Variants in PTF1A observed in about 807,000 individuals in gnomAD.
PTF1A encodes pancreas transcription factor 1 subunit alpha.
A neutral mutation model predicts 22.6 loss-of-function variants in PTF1A; 18 were observed. That is an observed-to-expected ratio of 0.80 (90% CI 0.55 to 1.18). The LOEUF (loss-of-function observed/expected upper bound fraction) is 1.18, where lower values mean the gene tolerates loss of function less well. PTF1A is among the 50% of genes most tolerant of loss of function. The pLI is 0.00. For missense variants in PTF1A, 477 were observed against 473.0 expected (o/e 1.01, Z -0.08); for synonymous variants, 259 against 227.9 (o/e 1.14, Z -1.23).
At position 23,193,076 on chromosome 10, in the gene PTF1A, C is replaced by T; in HGVS notation, c.546C>T (p.Ala182=). ...GGCGCATGCAGTCCATCAACGACGC[C>T]TTCGAGGGGCTGCGCTCGCACATCC... ...ERRRMQSIND[A]FEGLRSHIPT... Residue 182 remains alanine, a synonymous_variant, in exon 1 of 2, where the codon GCC becomes GCT. Transcript: ENST00000376504. 7.1e-7 allele frequency: 1 copy of T among 1,406,140 alleles called. No individual in the cohort carries two copies. Among genetic ancestry groups the T allele is most frequent in the Non-Finnish European group, 9.3e-7 (1 of 1,070,354 alleles). 87.1% of individuals were successfully genotyped at this position (1,406,140 alleles called of 1,614,324 possible).
rs1233177233 is a variant in PTF1A, at chr10:23,192,872, G to T, written c.342G>T (p.Ser114=). ...CGCCCCCAGGCGGCTTCCCCTACTC[G>T]CCCGGCTCGCCGCCCTCGTGCCTGG... ...TGAPPGGFPY[S]PGSPPSCLAY... is the part of the protein sequence containing the mutation. Residue 114 remains serine, a synonymous_variant, in exon 1 of 2, where the codon TCG becomes TCT. Coordinates refer to ENST00000376504, the MANE Select transcript of PTF1A (RefSeq NM_178161.3). The T allele has an allele frequency of 3.8e-5, 50 of 1,315,422 alleles. No individual in the cohort carries two copies. Among genetic ancestry groups the T allele is most frequent in the African/African-American group, 4.6e-5 (3 of 65,222 alleles). The allele number at this position is 1,315,422 out of a possible 1,614,324, so 81.5% of individuals were successfully genotyped here.
chr10:23,194,234 A>G lies in PTF1A; in HGVS notation c.*328A>G, dbSNP rs754238531. On this transcript the variant is annotated 3_prime_UTR_variant, in exon 2 of 2. Coordinates refer to ENST00000376504, the MANE Select transcript of PTF1A (RefSeq NM_178161.3). Reference sequence around the variant, plus strand: ...TTTCTAAGCGTTGTCAATAAATGCTATTTACACCTTTTCCTGAAGGTTTTT... The same window carrying G: ...TTTCTAAGCGTTGTCAATAAATGCTGTTTACACCTTTTCCTGAAGGTTTTT... The G allele has an allele frequency of 2.9e-5, 7 of 241,644 alleles. No individual in the cohort carries two copies. The highest frequency in any genetic ancestry group is 5.6e-5 in the Non-Finnish European group (7 of 125,196). The allele number at this position is 241,644 out of a possible 1,614,324, so 15.0% of individuals were successfully genotyped here.
chr10:23,192,588 T>G lies in PTF1A; in HGVS notation c.58T>G (p.Tyr20Asp). The change falls in exon 1 of 2, where the codon TAC becomes GAC. Residue 20 changes from tyrosine (Y) to aspartate (D), a missense_variant. Physicochemically the swap from Tyr to Asp is radical, Grantham distance 160. Transcript: ENST00000376504. ...GGGCCTAGACGCCTTTCCTTCTTCGTACTTCGACGAGGACGACTTCTTCAC... is the reference window on the plus strand; with the variant it reads ...GGGCCTAGACGCCTTTCCTTCTTCGGACTTCGACGAGGACGACTTCTTCAC... The part of the protein sequence containing the change: ...PGGLDAFPSS[Y>D]FDEDDFFTDQ... 1 of 1,603,268 alleles carries G rather than the reference T, an allele frequency of 6.2e-7. No homozygotes were observed. The highest frequency in any genetic ancestry group is 8.5e-7 in the Non-Finnish European group (1 of 1,175,020).
chr10:23,193,617 C>T (rs1371643670), intron 1 of PTF1A, 87 bp from the exon 2 acceptor site: 3 of 1,006,424 alleles, frequency 3.0e-6, no homozygotes, highest in South Asian at 2.5e-5. Context: ...CCGGAGAGCA[C>T]CCAGGAAAGG....
rs535090775 is a variant in PTF1A, at chr10:23,192,799, G to C, written c.269G>C (p.Gly90Ala). ...GCCCCGCCGTCCTCGGGGGGCCTCG[G>C]TGAGCCAGACGACGGCGGCGGCGGC... Reference protein sequence around the residue: ...ALAPPSSGGLGEPDDGGGGGY... With the variant: ...ALAPPSSGGLAEPDDGGGGGY... The change falls in exon 1 of 2, where the codon GGT becomes GCT. Residue 90 changes from glycine to alanine, a missense_variant. Physicochemically the swap from Gly to Ala is moderately conservative, Grantham distance 60. Coordinates refer to ENST00000376504, the MANE Select transcript of PTF1A (RefSeq NM_178161.3). The C allele has an allele frequency of 8.5e-4, 1,124 of 1,315,372 alleles. No individual in the cohort carries two copies. The African/African-American group carries it at 0.014, about 17-fold the overall frequency. The allele number at this position is 1,315,372 out of a possible 1,614,324, so 81.5% of individuals were successfully genotyped here.
At position 23,192,662 on chromosome 10, in the gene PTF1A, G is replaced by A. The variant is rs746806973; in HGVS notation, c.132G>A (p.Ala44=). Residue 44 remains alanine (A), a synonymous_variant, in exon 1 of 2, where the codon GCG becomes GCA. Coordinates refer to ENST00000376504, the MANE Select transcript of PTF1A (RefSeq NM_178161.3). ...TGGAGGACGGCGATGAGCTGCTGGC[G>A]GACGAGCAGGCCGAGGTGGAGTTCC... ...DPLEDGDELL[A]DEQAEVEFLS... 3 of 1,600,478 alleles carry A rather than the reference G, an allele frequency of 1.9e-6. No individual in the cohort carries two copies. The highest frequency in any genetic ancestry group is 8.5e-7 in the Non-Finnish European group (1 of 1,174,342).
At position 23,193,958 on chromosome 10, in the gene PTF1A, A is replaced by G. The variant is rs766424499; in HGVS notation, c.*52A>G. 2 of 1,333,284 alleles carry G rather than the reference A, an allele frequency of 1.5e-6. No homozygotes were observed. The highest frequency in any genetic ancestry group is 3.4e-5 in the Admixed American group (2 of 59,670). The allele number at this position is 1,333,284 out of a possible 1,614,324, so 82.6% of individuals were successfully genotyped here. On this transcript the variant is annotated 3_prime_UTR_variant, in exon 2 of 2. Coordinates refer to ENST00000376504, the MANE Select transcript of PTF1A (RefSeq NM_178161.3). ...GATTATGTCTCTGTGCATATTGTAC[A>G]TGTAAATATCTATAATGTAAATGTA...
chr10:23,193,410 C>T, intron 1 of PTF1A, 96 bp downstream of exon 1: 1 of 1,226,528 alleles, frequency 8.2e-7, no homozygotes, highest in Non-Finnish European at 1.1e-6. Context: ...GACAGTCGGA[C>T]CGACGGATTG....
Position 23,192,881 on chromosome 10 carries a change from G to A in PTF1A, c.351G>A (p.Ser117=). The part of the protein sequence containing the change: ...PPGGFPYSPG[S]PPSCLAYPCA... Reference sequence around the variant, plus strand: ...GCGGCTTCCCCTACTCGCCCGGCTCGCCGCCCTCGTGCCTGGCCTACCCGT... The same window carrying A: ...GCGGCTTCCCCTACTCGCCCGGCTCACCGCCCTCGTGCCTGGCCTACCCGT... The change falls in exon 1 of 2, where the codon TCG becomes TCA. Residue 117 remains serine, a synonymous_variant. Transcript: ENST00000376504. 7.6e-7 allele frequency: 1 copy of A among 1,312,468 alleles called. No individual in the cohort carries two copies. The highest frequency in any genetic ancestry group is 9.7e-7 in the Non-Finnish European group (1 of 1,027,986). The allele number at this position is 1,312,468 out of a possible 1,614,324, so 81.3% of individuals were successfully genotyped here. A position where few individuals can be genotyped will look rare whatever the true frequency, so the allele number is the denominator to read the frequency against.
In PTF1A at chr10:23,193,275, A is replaced by G; in HGVS notation, c.745A>G (p.Ser249Gly). Residue 249 changes from serine (S) to glycine (G), a missense_variant, in exon 1 of 2, where the codon AGC (serine) becomes GGC (glycine). Physicochemically the swap from Ser to Gly is moderately conservative, Grantham distance 56. Transcript: ENST00000376504. ...GCGCCTGGGCGGGGACAGCCCGGGC[A>G]GCCAGGCCCAGAAGGTCATCATCTG... ...GGRLGGDSPG[S>G]QAQKVIICHR... 2 of 1,248,012 alleles carry G rather than the reference A, an allele frequency of 1.6e-6. No individual in the cohort carries two copies. The highest frequency in any genetic ancestry group is 2.0e-6 in the Non-Finnish European group (2 of 1,004,462). 77.3% of individuals were successfully genotyped at this position (1,248,012 alleles called of 1,614,324 possible).
rs117678424 is a variant in PTF1A, at chr10:23,192,692, C to T, written c.162C>T (p.Ser54=). 2.9e-3 allele frequency: 4,607 copies of T among 1,588,030 alleles called. 118 individuals carry two copies. In the South Asian group the frequency reaches 0.033, roughly 11 times the overall value. Residue 54 remains serine, a synonymous_variant, in exon 1 of 2, where the codon AGC becomes AGT. Transcript: ENST00000376504. ...AGCAGGCCGAGGTGGAGTTCCTTAG[C>T]CACCAGCTCCACGAGTACTGCTACC... ...ADEQAEVEFL[S]HQLHEYCYRD...
Position 23,193,596 on chromosome 10 carries a change from T to G in PTF1A, c.785-108T>G, listed in dbSNP as rs373589459. On this transcript the variant is annotated intron_variant, in intron 1 of 1. Transcript: ENST00000376504. ...CTTGAAGTGTGGAGGAAGAGGGTGG[T>G]TCTAGTATAACCGGAGAGCACCCAG... The G allele has an allele frequency of 1.8e-5, 16 of 902,116 alleles. No homozygotes were observed. The African/African-American group carries it at 2.6e-4, about 15-fold the overall frequency. 55.9% of individuals were successfully genotyped at this position (902,116 alleles called of 1,614,324 possible).
Position 23,192,632 on chromosome 10 carries a change from C to T in PTF1A, c.102C>T (p.Asp34=), listed in dbSNP as rs199831799. ...DDFFTDQSSR[D]PLEDGDELLA... is the part of the protein sequence containing the mutation. ...TCTTCACCGACCAGTCTTCACGGGACCCCCTGGAGGACGGCGATGAGCTGC... is the reference window on the plus strand; with the variant it reads ...TCTTCACCGACCAGTCTTCACGGGATCCCCTGGAGGACGGCGATGAGCTGC... Residue 34 remains aspartate (D), a synonymous_variant, in exon 1 of 2, where the codon GAC becomes GAT. Transcript: ENST00000376504. 2.2e-4 allele frequency: 347 copies of T among 1,601,800 alleles called. No homozygotes were observed. The East Asian group carries it at 7.5e-3, about 34-fold the overall frequency.
In PTF1A at chr10:23,193,736, C is replaced by G. The variant is rs1424329864; in HGVS notation, c.817C>G (p.Leu273Val). Residue 273 changes from leucine to valine, a missense_variant, in exon 2 of 2, where the codon CTC becomes GTC. Coordinates refer to ENST00000376504, the MANE Select transcript of PTF1A (RefSeq NM_178161.3). ...CTCCCCCAGCGACCCTGATTATGGC[C>G]TCCCTCCCCTAGCAGGACACTCTCT... ...SPSPSDPDYGLPPLAGHSLSW... is the reference protein window; with the variant it reads ...SPSPSDPDYGVPPLAGHSLSW... The G allele has an allele frequency of 3.7e-6, 6 of 1,613,332 alleles. No homozygotes were observed. The highest frequency in any genetic ancestry group is 2.7e-5 in the African/African-American group (2 of 74,906).
In PTF1A at chr10:23,193,747, A is replaced by C. The variant is rs773773722; in HGVS notation, c.828A>C (p.Leu276=). ...PSDPDYGLPP[L]AGHSLSWTDE... ...ACCCTGATTATGGCCTCCCTCCCCT[A>C]GCAGGACACTCTCTCTCATGGACTG... The change falls in exon 2 of 2, where the codon CTA becomes CTC. Residue 276 remains leucine (L), a synonymous_variant. Transcript: ENST00000376504. 2.5e-6 allele frequency: 4 copies of C among 1,613,628 alleles called. No individual in the cohort carries two copies. The highest frequency in any genetic ancestry group is 1.7e-4 in the Middle Eastern group (1 of 6,060).
chr10:23,193,462 C>G, intron 1 of PTF1A, 148 bp downstream of exon 1: 4 of 709,790 alleles, frequency 5.6e-6, no homozygotes, highest in Non-Finnish European at 8.6e-6. Flanking sequence ...TCGCGTTTCT[C>G]GTTTTTTTTT....
At position 23,193,141 on chromosome 10, in the gene PTF1A, C is replaced by T; in HGVS notation, c.611C>T (p.Thr204Met). Residue 204 changes from threonine (T) to methionine (M), a missense_variant, in exon 1 of 2, where the codon ACG becomes ATG. By Grantham distance (81) the Thr-to-Met change is moderately conservative (BLOSUM62 -1). Coordinates refer to ENST00000376504, the MANE Select transcript of PTF1A (RefSeq NM_178161.3). ...GAGAAGCGCCTCTCCAAGGTGGACA[C>T]GCTGCGCCTGGCCATCGGCTACATC... The part of the protein sequence containing the change: ...PYEKRLSKVD[T>M]LRLAIGYINF... The T allele has an allele frequency of 7.0e-7, 1 of 1,435,358 alleles. No individual in the cohort carries two copies. Among genetic ancestry groups the T allele is most frequent in the Admixed American group, 2.2e-5 (1 of 44,712 alleles). 88.9% of individuals were successfully genotyped at this position (1,435,358 alleles called of 1,614,324 possible). A position where few individuals can be genotyped will look rare whatever the true frequency, so the allele number is the denominator to read the frequency against.
At chr10:23,193,464 T>TTG in intron 1 of PTF1A, 150 bp downstream of exon 1, 1 of 166,130 alleles carries the variant, frequency 6.0e-6, no homozygotes, top group Non-Finnish European at 8.4e-6. Context: ...GCGTTTCTCG[T>TTG]TTTTTTTTTT....
At position 23,193,094 on chromosome 10, in the gene PTF1A, G is replaced by T; in HGVS notation, c.564G>T (p.Ser188=). 1 of 1,424,500 alleles carries T rather than the reference G, an allele frequency of 7.0e-7. No homozygotes were observed. Among genetic ancestry groups the T allele is most frequent in the South Asian group, 1.3e-5 (1 of 75,362 alleles). The allele number at this position is 1,424,500 out of a possible 1,614,324, so 88.2% of individuals were successfully genotyped here. A position where few individuals can be genotyped will look rare whatever the true frequency, so the allele number is the denominator to read the frequency against. ...SINDAFEGLR[S]HIPTLPYEKR... ...ACGACGCCTTCGAGGGGCTGCGCTC[G>T]CACATCCCCACGCTGCCCTACGAGA... Residue 188 remains serine, a synonymous_variant, in exon 1 of 2, where the codon TCG becomes TCT. Transcript: ENST00000376504.
Sources: allele counts gnomAD v4.1 joint callset, GRCh38; gene constraint gnomAD v4.1.1; transcripts MANE v1.5; gene names NCBI Gene and HGNC (gene_info 2026-07-23, HGNC 2026-07-21).